The following FMN1 variants were observed in gnomAD, a reference collection of about 807,000 sequenced individuals.
FMN1 encodes the protein formin-1.
In FMN1, 110 loss-of-function variants were observed where a neutral mutation model predicts 132.4. The ratio of observed to expected loss-of-function variants is 0.83; its 90% CI spans 0.71 to 0.97. The LOEUF (loss-of-function observed/expected upper bound fraction) is 0.97, where lower values mean the gene tolerates loss of function less well. FMN1 is among the 50% of genes least tolerant of loss of function. The pLI, the probability that FMN1 is intolerant of heterozygous loss-of-function variation, is 0.00. For synonymous variants in FMN1, 722 were observed against 651.7 expected (o/e 1.11, Z -1.64); for missense variants, 1,792 against 1,705.3 (o/e 1.05, Z -0.90).
chr15:32,774,470 G>T, intron 20 of FMN1, 116 bp from the exon 21 acceptor site: 1 of 753,650 alleles, frequency 1.3e-6, no homozygotes, highest in Non-Finnish European at 2.2e-6. Flanking sequence ...AAATGGCCTA[G>T]AAATGAGAGT....
At chr15:33,094,740 C>T (rs1180370077) in intron 4 of FMN1, among the ~76,000 whole-genome samples, 1 of 152,136 alleles carries the variant, frequency 6.6e-6, no homozygotes, top group African/African-American at 2.4e-5. Context: ...TATTAACCTC[C>T]TTCCACGGTT....
intron 3 of FMN1, among the ~76,000 whole-genome samples, chr15:33,157,903 T>C (rs1277917526): frequency 6.6e-6 from 1 of 151,630 alleles, no homozygotes; most frequent in African/African-American, 2.4e-5. Context: ...GGCAAGGGGA[T>C]TGCCTGGGAG....
chr15:32,776,393 T>C (rs183927352), intron 20 of FMN1, among the ~76,000 whole-genome samples: 1 of 152,238 alleles, frequency 6.6e-6, no homozygotes, highest in Non-Finnish European at 1.5e-5. Flanking sequence ...GCTTTTGTTA[T>C]CCACTTGCTA....
intron 9 of FMN1, among the ~76,000 whole-genome samples, chr15:32,936,435 C>A (rs111466338): frequency 6.6e-6 from 1 of 152,188 alleles, no homozygotes; most frequent in South Asian, 2.1e-4. Flanking sequence ...TCTGGACTTA[C>A]GTATGTGAAT....
chr15:32,774,574 C>A (rs1415695303), intron 20 of FMN1, among the ~76,000 whole-genome samples: 3 of 152,110 alleles, frequency 2.0e-5, no homozygotes, highest in African/African-American at 4.8e-5. Flanking sequence ...CAATAACCAG[C>A]CAATCTACCA....
chr15:33,002,878 G>C lies in FMN1; in HGVS notation c.2223+5136C>G, dbSNP rs973369411. ...GAGGGTTGTCCATCTGTGACTGCTAGAATAGTTTAAAACTACAGCTAAGTG... is the reference window on the plus strand; with the variant it reads ...GAGGGTTGTCCATCTGTGACTGCTACAATAGTTTAAAACTACAGCTAAGTG... On this transcript the variant is annotated intron_variant, in intron 7 of 20. Coordinates refer to ENST00000616417, the MANE Select transcript of FMN1 (RefSeq NM_001277313.2). 3.3e-5 allele frequency among the ~76,000 whole-genome samples: 5 copies of C among 152,126 alleles called. No homozygotes were observed. In the South Asian group the frequency reaches 6.2e-4, roughly 19 times the overall value.
intron 6 of FMN1, among the ~76,000 whole-genome samples, chr15:33,050,688 TG>T (rs1161411598): frequency 6.6e-6 from 1 of 152,228 alleles, no homozygotes; most frequent in East Asian, 1.9e-4. Context: ...TACCAAGTAA[TG>T]GGCCAGGACA....
chr15:33,092,044 G>A (rs2038922423), intron 4 of FMN1, among the ~76,000 whole-genome samples: 1 of 152,036 alleles, frequency 6.6e-6, no homozygotes, highest in African/African-American at 2.4e-5. Context: ...CAGTTTGATC[G>A]ATCACACATA....
chr15:33,040,871 T>C (rs2036402588), intron 6 of FMN1, among the ~76,000 whole-genome samples: 1 of 152,234 alleles, frequency 6.6e-6, no homozygotes, highest in Non-Finnish European at 1.5e-5. Flanking sequence ...AACCATTTGT[T>C]ATTGTTTCTA....
intron 17 of FMN1, among the ~76,000 whole-genome samples, chr15:32,828,456 T>C (rs2058423723): frequency 1.3e-5 from 2 of 152,180 alleles, no homozygotes; most frequent in Admixed American, 1.3e-4. Context: ...TTTTCCAAAT[T>C]AATGGAGCTA....
chr15:32,919,860 A>AGTT (rs1332987566), intron 10 of FMN1, among the ~76,000 whole-genome samples: 1 of 152,210 alleles, frequency 6.6e-6, no homozygotes, highest in African/African-American at 2.4e-5. Flanking sequence ...TTAAGGCAAA[A>AGTT]GGAAACAAGG....
chr15:32,792,511 A>G (rs779608534), intron 19 of FMN1, among the ~76,000 whole-genome samples: 1 of 152,094 alleles, frequency 6.6e-6, no homozygotes, highest in Non-Finnish European at 1.5e-5. Context: ...AATTAGTTAG[A>G]AGGAGTCATC....
rs28439346 is a variant in FMN1, at chr15:32,770,996, A to C, written c.*3314T>G. ...CTTCTGCTTGGCCACACTTTTTCTT[A>C]TTTCTTTTTCCCCAGTAAGCTGCCA... On this transcript the variant is annotated 3_prime_UTR_variant, in exon 21 of 21. Coordinates refer to ENST00000616417, the MANE Select transcript of FMN1 (RefSeq NM_001277313.2). The C allele has an allele frequency of 0.082, 12,424 of 151,096 alleles. 566 individuals are homozygous for C. The highest frequency in any genetic ancestry group is 0.14 in the Middle Eastern group (40 of 292). The allele number at this position is 151,096 out of a possible 1,614,324, so 9.4% of individuals were successfully genotyped here.
Position 32,804,938 on chromosome 15 carries a change from C to T in FMN1, c.3929-606G>A, listed in dbSNP as rs549172830. 5.5e-4 allele frequency among the ~76,000 whole-genome samples: 83 copies of T among 152,238 alleles called. 1 individual carries two copies. Among genetic ancestry groups the T allele is most frequent in the Admixed American group, 1.8e-3 (28 of 15,288 alleles). On this transcript the variant is annotated intron_variant, in intron 17 of 20. Transcript: ENST00000616417. Reference sequence around the variant, plus strand: ...ATGGACATTTGGCTTGGTTCCAAGTCTTTGCTATTGTGAATAGTGCCACAA... The same window carrying T: ...ATGGACATTTGGCTTGGTTCCAAGTTTTTGCTATTGTGAATAGTGCCACAA...
intron 19 of FMN1, among the ~76,000 whole-genome samples, chr15:32,779,798 C>A (rs2056606387): frequency 6.6e-6 from 1 of 152,180 alleles, no homozygotes; most frequent in Non-Finnish European, 1.5e-5. Context: ...TTTCATAGGT[C>A]TTAACCACCA....
intron 5 of FMN1, chr15:33,068,185 T>C: frequency 3.0e-6 from 1 of 337,308 alleles, no homozygotes; most frequent in Non-Finnish European, 4.9e-6. Flanking sequence ...GAAACTTCCG[T>C]ATTTATTCCC....
intron 17 of FMN1, among the ~76,000 whole-genome samples, chr15:32,807,016 G>A (rs2057706198): frequency 6.6e-6 from 1 of 152,120 alleles, no homozygotes; most frequent in African/African-American, 2.4e-5. Flanking sequence ...GCTTCACCTG[G>A]CTTGCTTTCT....
At chr15:33,009,653 A>G (rs976169292) in intron 6 of FMN1, among the ~76,000 whole-genome samples, 1 of 152,126 alleles carries the variant, frequency 6.6e-6, no homozygotes, top group African/African-American at 2.4e-5. Flanking sequence ...TTATCAACTC[A>G]TTTCATCTCC....
chr15:32,860,909 T>C (rs1218545831), intron 16 of FMN1: 1 of 152,154 alleles, frequency 6.6e-6, no homozygotes, highest in African/African-American at 2.4e-5. Context: ...ACAAAGATGA[T>C]TATCCTGATT....
Sources: gnomAD v4.1 joint callset for allele counts (sites outside exome capture counted in the v4.1 genomes callset) on GRCh38, gnomAD v4.1.1 for gene constraint, MANE v1.5 for transcripts, NCBI Gene and HGNC (gene_info 2026-07-23, HGNC 2026-07-21) for gene names.